KPNA5: variants seen among roughly 807,000 people sequenced by gnomAD.
KPNA5 encodes the protein karyopherin subunit alpha 5.
Under a neutral mutation model 71.3 loss-of-function variants are expected in KPNA5, and 46 were observed. The ratio of observed to expected loss-of-function variants is 0.65; its 90% CI spans 0.51 to 0.83. KPNA5 has a LOEUF of 0.83. Among genes scored for constraint, KPNA5 ranks in the 40% least tolerant of loss-of-function variants. The probability of loss-of-function intolerance (pLI) is 0.00; values close to 1 mark genes in which losing one functional copy is unlikely to be tolerated. For missense variants in KPNA5, 547 were observed against 628.3 expected, an observed-to-expected ratio of 0.87 and a Z score of 1.38; for synonymous variants, 207 against 201.4, an observed-to-expected ratio of 1.03 and a Z score of -0.24.
chr6:116,697,841 C>A (rs925262923), intron 4 of KPNA5, among the ~76,000 whole-genome samples: 2 of 151,848 alleles, frequency 1.3e-5, no homozygotes, highest in Non-Finnish European at 2.9e-5. Context: ...TGTGAAAATA[C>A]ATTTTAAAAG....
At position 116,681,270 on chromosome 6, in the gene KPNA5, T is replaced by C; in HGVS notation, c.-65T>C. The C allele has an allele frequency of 3.1e-6, 5 of 1,602,816 alleles. No homozygotes were observed. In the South Asian group the frequency reaches 3.3e-5, roughly 11 times the overall value. ...GCCAGGGGCGGAGTGGCGGCCCTTC[T>C]GTTACCCGCCACACACGTCGCCGCT... On this transcript the variant is annotated 5_prime_UTR_variant, in exon 1 of 14. Coordinates refer to ENST00000368564, the MANE Select transcript of KPNA5 (RefSeq NM_001366306.2).
At chr6:116,721,097 A>C (rs113357656) in intron 8 of KPNA5, among the ~76,000 whole-genome samples, 1 of 152,080 alleles carries the variant, frequency 6.6e-6, no homozygotes, top group Non-Finnish European at 1.5e-5. Context: ...CAGAGATGGT[A>C]ACTGCTTTCA....
In KPNA5 at chr6:116,738,590, A is replaced by G. The variant is rs1779754795; in HGVS notation, c.*6267A>G. The G allele has an allele frequency of 6.6e-6, 1 of 152,064 alleles. No homozygotes were observed. The highest frequency in any genetic ancestry group is 6.6e-5 in the Admixed American group (1 of 15,234). The allele number at this position is 152,064 out of a possible 1,614,324, so 9.4% of individuals were successfully genotyped here. On this transcript the variant is annotated 3_prime_UTR_variant, in exon 14 of 14. Transcript: ENST00000368564. ...CAATATCCTTGGTGAACATTGATGCAAAAATCCTCAATAAAATACTGGCAA... is the reference window on the plus strand; with the variant it reads ...CAATATCCTTGGTGAACATTGATGCGAAAATCCTCAATAAAATACTGGCAA...
At chr6:116,713,097 A>G (rs968390579) in intron 7 of KPNA5, among the ~76,000 whole-genome samples, 1 of 152,060 alleles carries the variant, frequency 6.6e-6, no homozygotes, top group Non-Finnish European at 1.5e-5. Flanking sequence ...GGAAAAAAAG[A>G]GGAATTACAA....
intron 1 of KPNA5, among the ~76,000 whole-genome samples, chr6:116,682,823 C>T (rs1583393912): frequency 6.6e-6 from 1 of 152,140 alleles, no homozygotes; most frequent in South Asian, 2.1e-4. Context: ...CTTTGAAGTG[C>T]AGCCTTTAAA....
At chr6:116,719,270 TGTTTGTG>T (rs1434317074) in intron 8 of KPNA5, among the ~76,000 whole-genome samples, 3 of 152,230 alleles carry the variant, frequency 2.0e-5, no homozygotes, top group Non-Finnish European at 2.9e-5. Flanking sequence ...TTTTTTGTTT[TGTTTGTG>T]GTTTGTCTTA....
chr6:116,692,933 T>C (rs867620582), intron 4 of KPNA5, among the ~76,000 whole-genome samples: 1 of 152,164 alleles, frequency 6.6e-6, no homozygotes, highest in East Asian at 1.9e-4. Flanking sequence ...CCCCTTCCTG[T>C]GTCCATGTGT....
chr6:116,719,763 T>C (rs906374078), intron 8 of KPNA5, among the ~76,000 whole-genome samples: 1 of 152,080 alleles, frequency 6.6e-6, no homozygotes, highest in Non-Finnish European at 1.5e-5. Flanking sequence ...ATGGGGAGGA[T>C]TGCTTGATCC....
rs771249982 is a variant in KPNA5, at chr6:116,702,006, T to A, written c.436-13T>A. On this transcript the variant is annotated splice_polypyrimidine_tract_variant and intron_variant, in intron 5 of 13. Transcript: ENST00000368564. The stretch of plus-strand genomic sequence containing the variant: ...TGGTTCTTTCATTTATTTTACCTTT[T>A]TTTTCTTCTTAGTTTGAAGCTGCAT... 6.3e-7 allele frequency: 1 copy of A among 1,598,504 alleles called. No individual in the cohort carries two copies. The highest frequency in any genetic ancestry group is 8.5e-7 in the Non-Finnish European group (1 of 1,176,026).
In KPNA5 at chr6:116,741,335, C is replaced by T. The variant is rs1023947912; in HGVS notation, c.*9012C>T. 6.8e-6 allele frequency: 1 copy of T among 148,056 alleles called. No individual in the cohort carries two copies. The highest frequency in any genetic ancestry group is 1.5e-5 in the Non-Finnish European group (1 of 67,166). 9.2% of individuals were successfully genotyped at this position (148,056 alleles called of 1,614,324 possible). A position where few individuals can be genotyped will look rare whatever the true frequency, so the allele number is the denominator to read the frequency against. On this transcript the variant is annotated 3_prime_UTR_variant, in exon 14 of 14. Transcript: ENST00000368564. ...TATATGTTTTTTACATTATTTTGTGCATAGAAATTTAGAATTACATCTTTT... is the reference window on the plus strand; with the variant it reads ...TATATGTTTTTTACATTATTTTGTGTATAGAAATTTAGAATTACATCTTTT...
At chr6:116,715,080 G>A (rs1178339810) in intron 7 of KPNA5, among the ~76,000 whole-genome samples, 1 of 152,136 alleles carries the variant, frequency 6.6e-6, no homozygotes, top group Non-Finnish European at 1.5e-5. Context: ...TAATAAACTT[G>A]ATTCTGACAG....
intron 1 of KPNA5, among the ~76,000 whole-genome samples, chr6:116,681,767 C>G (rs940893788): frequency 2.0e-5 from 3 of 152,152 alleles, no homozygotes; most frequent in Admixed American, 6.5e-5. Flanking sequence ...GGCCTCCTAG[C>G]CTCGCCCTCT....
rs77215040 is a variant in KPNA5, at chr6:116,684,215, A to G, written c.4+2877A>G. Among the ~76,000 whole-genome samples, 949 of 152,178 alleles carry G rather than the reference A, an allele frequency of 6.2e-3. 6 individuals are homozygous for G. Among genetic ancestry groups the G allele is most frequent in the African/African-American group, 0.022 (921 of 41,524 alleles). ...GGTGTGAGCTACCCCGCCCGGCCAT[A>G]TTGAGCAGTTTCTAATGATATCTAT... is the stretch of plus-strand genomic sequence containing the variant. On this transcript the variant is annotated intron_variant, in intron 1 of 13. Coordinates refer to ENST00000368564, the MANE Select transcript of KPNA5 (RefSeq NM_001366306.2).
chr6:116,710,894 T>TATATATATATATATATATATATATATGTA (rs57807333), intron 7 of KPNA5, among the ~76,000 whole-genome samples: 3 of 79,382 alleles, frequency 3.8e-5, no homozygotes, highest in South Asian at 4.5e-4. Context: ...TATATATATA[T>TATATATATATATATATATATATATATGTA]TTTTTTTTTT....
chr6:116,726,724 G>A (rs1779304753), intron 12 of KPNA5, 102 bp downstream of exon 12: 1 of 1,052,398 alleles, frequency 9.5e-7, no homozygotes, highest in South Asian at 2.1e-5. Flanking sequence ...TTATTTCTAA[G>A]TCAGTTTGAT....
In KPNA5 at chr6:116,741,628, T is replaced by C. The variant is rs1423239294; in HGVS notation, c.*9305T>C. Reference sequence around the variant, plus strand: ...TCCATGGTGAAGTCTTCTGTACCAATGCACCAGAGAATGCCTACCATCCAA... The same window carrying C: ...TCCATGGTGAAGTCTTCTGTACCAACGCACCAGAGAATGCCTACCATCCAA... On this transcript the variant is annotated 3_prime_UTR_variant, in exon 14 of 14. Transcript: ENST00000368564. 1 of 153,354 alleles carries C rather than the reference T, an allele frequency of 6.5e-6. No individual in the cohort carries two copies. Among genetic ancestry groups the C allele is most frequent in the African/African-American group, 2.4e-5 (1 of 41,420 alleles). The allele number at this position is 153,354 out of a possible 1,614,324, so 9.5% of individuals were successfully genotyped here.
At chr6:116,705,324 A>T (rs991281139) in intron 7 of KPNA5, among the ~76,000 whole-genome samples, 164 bp downstream of exon 7, 1 of 152,188 alleles carries the variant, frequency 6.6e-6, no homozygotes, top group Non-Finnish European at 1.5e-5. Context: ...TCAAATTGTT[A>T]TCTCTGTCTT....
chr6:116,688,301 A>G (rs938877912), intron 1 of KPNA5, among the ~76,000 whole-genome samples: 11 of 152,174 alleles, frequency 7.2e-5, no homozygotes, highest in Non-Finnish European at 1.3e-4. Flanking sequence ...GACAGATGCC[A>G]GCCTCTCCTT....
At chr6:116,697,312 A>C (rs1013615292) in intron 4 of KPNA5, among the ~76,000 whole-genome samples, 3 of 152,038 alleles carry the variant, frequency 2.0e-5, no homozygotes, top group African/African-American at 7.2e-5. Context: ...ATCTTGAAGA[A>C]TTGGGGCTTT....
Sources: allele counts gnomAD v4.1 joint callset (sites outside exome capture counted in the v4.1 genomes callset), GRCh38; gene constraint gnomAD v4.1.1; transcripts MANE v1.5; gene names NCBI Gene and HGNC (gene_info 2026-07-23, HGNC 2026-07-21).